The following FAM135B variants were observed in gnomAD, a reference collection of about 807,000 sequenced individuals.
FAM135B encodes the protein family with sequence similarity 135 member B, also known as protein FAM135B.
Under a neutral mutation model 127.7 loss-of-function variants are expected in FAM135B, and 43 were observed. The observed-to-expected ratio is 0.34, with a 90% CI of 0.26 to 0.43. The LOEUF (loss-of-function observed/expected upper bound fraction) is 0.43. Ranked by LOEUF, FAM135B falls within the 20% of genes least tolerant of loss-of-function variation. FAM135B has a pLI of 1.00. For synonymous variants in FAM135B, 670 were observed against 665.1 expected, an observed-to-expected ratio of 1.01 and a Z score of -0.11; for missense variants, 1,558 against 1,725.6, an observed-to-expected ratio of 0.90 and a Z score of 1.72.
chr8:138,356,282 G>GAAAA (rs386414183), intron 2 of FAM135B, among the ~76,000 whole-genome samples: 2 of 35,792 alleles, frequency 5.6e-5, no homozygotes, highest in African/African-American at 1.9e-4. Context: ...GAGAGAGAGA[G>GAAAA]AAAGAGAGAG....
chr8:138,138,147 T>C (rs1816819143), intron 18 of FAM135B, among the ~76,000 whole-genome samples: 1 of 152,286 alleles, frequency 6.6e-6, no homozygotes, highest in South Asian at 2.1e-4. Context: ...GACTCTACAG[T>C]GATCACACTG....
intron 3 of FAM135B, among the ~76,000 whole-genome samples, chr8:138,274,687 G>C (rs114201610): frequency 0.028 from 4,280 of 152,172 alleles, 161 homozygotes; most frequent in African/African-American, 0.089. Context: ...ACGCCCAGGG[G>C]AGCCAGTTCA....
intron 2 of FAM135B, among the ~76,000 whole-genome samples, chr8:138,342,273 G>C (rs1829104110): frequency 6.6e-6 from 1 of 152,118 alleles, no homozygotes; most frequent in African/African-American, 2.4e-5. Flanking sequence ...AGGCATGAGT[G>C]ACAGATAGAG....
chr8:138,342,321 C>T (rs899061184), intron 2 of FAM135B, among the ~76,000 whole-genome samples: 4 of 152,148 alleles, frequency 2.6e-5, no homozygotes, highest in Non-Finnish European at 5.9e-5. Context: ...CTTCTGATGA[C>T]ACAAAGTAAT....
At chr8:138,423,039 C>G (rs1423436283) in intron 1 of FAM135B, among the ~76,000 whole-genome samples, 2 of 152,114 alleles carry the variant, frequency 1.3e-5, no homozygotes, top group Non-Finnish European at 2.9e-5. Context: ...ACCACATGTT[C>G]TTACTTATAA....
At chr8:138,402,356 G>C (rs1833202057) in intron 1 of FAM135B, among the ~76,000 whole-genome samples, 1 of 152,114 alleles carries the variant, frequency 6.6e-6, no homozygotes, top group Admixed American at 6.6e-5. Context: ...AAGTTAACTG[G>C]GAAGAATGTT....
chr8:138,334,111 CG>C (rs1828378563), intron 2 of FAM135B, among the ~76,000 whole-genome samples: 2 of 152,104 alleles, frequency 1.3e-5, no homozygotes, highest in Non-Finnish European at 2.9e-5. Flanking sequence ...TTAGTAGAGA[CG>C]GGGTTTTGCC....
chr8:138,214,825 T>C lies in FAM135B; in HGVS notation c.670-17156A>G, dbSNP rs970583679. 2.0e-5 allele frequency among the ~76,000 whole-genome samples: 3 copies of C among 152,286 alleles called. No homozygotes were observed. In the South Asian group the frequency reaches 6.2e-4, roughly 32 times the overall value. On this transcript the variant is annotated intron_variant, in intron 7 of 19. Transcript: ENST00000395297. Reference sequence around the variant, plus strand: ...ATTTGTCATGATGATGCATGTAAGATTCAGCACCTCAAATTAGCCTTAGGT... The same window carrying C: ...ATTTGTCATGATGATGCATGTAAGACTCAGCACCTCAAATTAGCCTTAGGT...
chr8:138,266,210 G>T (rs945481244), intron 3 of FAM135B, among the ~76,000 whole-genome samples: 1 of 152,060 alleles, frequency 6.6e-6, no homozygotes, highest in Non-Finnish European at 1.5e-5. Flanking sequence ...GGAGAAGAAC[G>T]GGGAGTAAAA....
In FAM135B at chr8:138,246,438, G is replaced by T. The variant is rs577279583; in HGVS notation, c.543-3370C>A. Reference sequence around the variant, plus strand: ...CAGCTGCTCCAGTTGTGGCTAAAAGGGGCCAAGGTATAGCTCAGCCCACGG... The same window carrying T: ...CAGCTGCTCCAGTTGTGGCTAAAAGTGGCCAAGGTATAGCTCAGCCCACGG... On this transcript the variant is annotated intron_variant, in intron 6 of 19. Transcript: ENST00000395297. Among the ~76,000 whole-genome samples, 10 of 152,228 alleles carry T rather than the reference G, an allele frequency of 6.6e-5. No homozygotes were observed. In the East Asian group the frequency reaches 1.9e-3, roughly 30 times the overall value.
chr8:138,446,761 T>A (rs1836186408), intron 1 of FAM135B, among the ~76,000 whole-genome samples: 1 of 151,762 alleles, frequency 6.6e-6, no homozygotes, highest in African/African-American at 2.4e-5. Flanking sequence ...ACTTCATGTC[T>A]AAAACACCAA....
chr8:138,468,850 G>A (rs1232886125), intron 1 of FAM135B, among the ~76,000 whole-genome samples: 1 of 152,116 alleles, frequency 6.6e-6, no homozygotes, highest in Non-Finnish European at 1.5e-5. Flanking sequence ...TTCGAGACCA[G>A]CCTGGCCAAC....
intron 1 of FAM135B, among the ~76,000 whole-genome samples, chr8:138,412,384 C>A (rs1207703874): frequency 1.3e-5 from 2 of 152,164 alleles, no homozygotes; most frequent in Non-Finnish European, 2.9e-5. Context: ...ACAAAATAAA[C>A]GTTTTTGTTT....
chr8:138,190,974 C>A (rs982819713), intron 9 of FAM135B, among the ~76,000 whole-genome samples: 1 of 152,310 alleles, frequency 6.6e-6, no homozygotes, highest in Non-Finnish European at 1.5e-5. Flanking sequence ...CTGCAAAAAA[C>A]CAAGCTATAG....
At chr8:138,337,469 C>A (rs1274720773) in intron 2 of FAM135B, among the ~76,000 whole-genome samples, 6 of 151,248 alleles carry the variant, frequency 4.0e-5, no homozygotes, top group African/African-American at 1.2e-4. Flanking sequence ...CAATAGCAGA[C>A]AAACAGAGGG....
intron 2 of FAM135B, among the ~76,000 whole-genome samples, chr8:138,362,647 G>A (rs575608008): frequency 1.1e-4 from 16 of 152,186 alleles, no homozygotes; most frequent in Non-Finnish European, 1.9e-4. Context: ...AGAGTCTTGG[G>A]GACGTTTCGA....
intron 9 of FAM135B, among the ~76,000 whole-genome samples, chr8:138,179,240 A>C (rs1320766455): frequency 6.6e-6 from 1 of 151,976 alleles, no homozygotes; most frequent in Non-Finnish European, 1.5e-5. Flanking sequence ...TTTTACTCAC[A>C]TTCTCCCCAA....
chr8:138,360,973 AGG>A (rs1830385617), intron 2 of FAM135B, among the ~76,000 whole-genome samples: 3 of 150,370 alleles, frequency 2.0e-5, no homozygotes, highest in African/African-American at 7.4e-5. Context: ...TTGCCCAGGC[AGG>A]AGTGCAGTGG....
At chr8:138,280,060 C>T (rs1360973261) in intron 3 of FAM135B, among the ~76,000 whole-genome samples, 9 of 152,128 alleles carry the variant, frequency 5.9e-5, no homozygotes, top group Non-Finnish European at 4.4e-5. Context: ...GGAACTGGGG[C>T]CTCAGAGAGA....
Sources: gnomAD v4.1 joint callset for allele counts (sites outside exome capture counted in the v4.1 genomes callset) on GRCh38, gnomAD v4.1.1 for gene constraint, MANE v1.5 for transcripts, NCBI Gene and HGNC (gene_info 2026-07-23, HGNC 2026-07-21) for gene names.